The following RIC8A variants were observed in gnomAD, a reference collection of about 807,000 sequenced individuals.
RIC8A encodes the protein RIC8 guanine nucleotide exchange factor A.
RIC8A carries 37 observed loss-of-function variants against 48.4 expected under a neutral mutation model. That is an observed-to-expected ratio of 0.77 (90% CI 0.59 to 1.01). RIC8A has a LOEUF of 1.01. Ranked by LOEUF, RIC8A falls within the 50% of genes least tolerant of loss-of-function variation. RIC8A has a pLI of 0.00. For synonymous variants in RIC8A, 288 were observed against 283.4 expected (o/e 1.02, Z -0.16); for missense variants, 681 against 696.8 (o/e 0.98, Z 0.25).
At position 214,261 on chromosome 11, in the gene RIC8A, C is replaced by T; in HGVS notation, c.1507C>T (p.Pro503Ser). ...AGTCATCCAGCCAATGGGGATGAGT[C>T]CCCGGGGTCATCTTACGTCCCTGCA... ...NRVIQPMGMS[P>S]RGHLTSLQDA... is the part of the protein sequence containing the mutation. The change falls in exon 10 of 10, where the codon CCC becomes TCC. Residue 503 changes from proline to serine, a missense_variant. Physicochemically the swap from Pro to Ser is moderately conservative, Grantham distance 74 (BLOSUM62 -1). Coordinates refer to ENST00000526104, the MANE Select transcript of RIC8A (RefSeq NM_001286134.2). 3 of 1,613,818 alleles carry T rather than the reference C, an allele frequency of 1.9e-6. No homozygotes were observed. Among genetic ancestry groups the T allele is most frequent in the Non-Finnish European group, 2.5e-6 (3 of 1,179,896 alleles).
At position 208,760 on chromosome 11, in the gene RIC8A, C is replaced by T; in HGVS notation, c.-95C>T. On this transcript the variant is annotated 5_prime_UTR_variant, in exon 1 of 10. Coordinates refer to ENST00000526104, the MANE Select transcript of RIC8A (RefSeq NM_001286134.2). This position sits in a 1 kb window ranked among gnomAD's most constrained non-coding sequence, Gnocchi z 4.8. ...CCGCGCCCCGTCCCGGCCTCCCCCGCGCGCTGGCGCGGGGCTTTCTGGGCC... is the reference window on the plus strand; with the variant it reads ...CCGCGCCCCGTCCCGGCCTCCCCCGTGCGCTGGCGCGGGGCTTTCTGGGCC... The T allele has an allele frequency of 3.2e-6, 3 of 948,032 alleles. No individual in the cohort carries two copies. The highest frequency in any genetic ancestry group is 3.7e-5 in the South Asian group (2 of 53,970). The allele number at this position is 948,032 out of a possible 1,614,324, so 58.7% of individuals were successfully genotyped here. A position where few individuals can be genotyped will look rare whatever the true frequency, so the allele number is the denominator to read the frequency against.
Position 213,329 on chromosome 11 carries a change from G to A in RIC8A, c.1386G>A (p.Glu462=). The change falls in exon 9 of 10, where the codon GAG becomes GAA. Residue 462 remains glutamate, a synonymous_variant. Coordinates refer to ENST00000526104, the MANE Select transcript of RIC8A (RefSeq NM_001286134.2). ...SINPVTGRVE[E]KPPNPMEGMT... Reference sequence around the variant, plus strand: ...ACCCTGTGACCGGGAGGGTGGAGGAGAAGCCGCCTAACCCTATGGAGGGCA... The same window carrying A: ...ACCCTGTGACCGGGAGGGTGGAGGAAAAGCCGCCTAACCCTATGGAGGGCA... 1.2e-6 allele frequency: 2 copies of A among 1,613,970 alleles called. No individual in the cohort carries two copies.
intron 3 of RIC8A, 115 bp from the exon 4 acceptor site, chr11:210,456 C>T (rs780456451): frequency 1.0e-6 from 1 of 992,570 alleles, no homozygotes; most frequent in Non-Finnish European, 1.6e-6. Context: ...GTATGCAGTA[C>T]AGGAGGTGCA....
At position 212,472 on chromosome 11, in the gene RIC8A, C is replaced by T. The variant is rs150968073; in HGVS notation, c.1026C>T (p.Ala342=). 223 of 1,613,976 alleles carry T rather than the reference C, an allele frequency of 1.4e-4. No individual in the cohort carries two copies. The African/African-American group carries it at 2.7e-3, about 19-fold the overall frequency. ...TGCTGAGCGTGCTGACTGAATGTGC[C>T]CGGATGCACCGCCCAGCCAGGAAGT... ...APVLSVLTEC[A]RMHRPARKFL... is the part of the protein sequence containing the mutation. Residue 342 remains alanine, a synonymous_variant, in exon 6 of 10, where the codon GCC becomes GCT. Transcript: ENST00000526104.
chr11:212,751 CTGAGAGTGG>C lies in RIC8A; in HGVS notation c.1207_1210+5del. On this transcript the variant is annotated splice_donor_variant and coding_sequence_variant, in exon 7 of 10. Transcript: ENST00000526104. LOFTEE classifies it high-confidence loss of function. ...GCCGAGTTCTTGTTTGTCCTGTGCT[CTGAGAGTGG>C]TGAGTTATGGAGACCCAGGTCCCAG... 1 of 1,614,072 alleles carries C rather than the reference CTGAGAGTGG, an allele frequency of 6.2e-7. No homozygotes were observed.
At position 208,979 on chromosome 11, in the gene RIC8A, G is replaced by T; in HGVS notation, c.84+41G>T. On this transcript the variant is annotated intron_variant, in intron 1 of 9. Transcript: ENST00000526104. This position sits in a 1 kb window ranked among gnomAD's most constrained non-coding sequence, Gnocchi z 4.8. ...AGGCCGGGGGGCGGGCACGGAGGGGGTGGGGCAGGGTCGTGCGCGGGTAGC... is the reference window on the plus strand; with the variant it reads ...AGGCCGGGGGGCGGGCACGGAGGGGTTGGGGCAGGGTCGTGCGCGGGTAGC... 2.7e-5 allele frequency: 39 copies of T among 1,424,288 alleles called. No individual in the cohort carries two copies. Among genetic ancestry groups the T allele is most frequent in the Admixed American group, 3.8e-5 (2 of 52,240 alleles). The allele number at this position is 1,424,288 out of a possible 1,614,324, so 88.2% of individuals were successfully genotyped here. A position where few individuals can be genotyped will look rare whatever the true frequency, so the allele number is the denominator to read the frequency against.
chr11:209,054 C>T (rs2133745399), intron 1 of RIC8A, 116 bp downstream of exon 1: 2 of 1,048,678 alleles, frequency 1.9e-6, no homozygotes, highest in Non-Finnish European at 2.9e-6. Flanking sequence ...GTAGGGGACG[C>T]GGCGGGGTGC....
intron 5 of RIC8A, chr11:212,064 T>C (rs548623428): frequency 1.0e-5 from 3 of 285,934 alleles, no homozygotes; most frequent in African/African-American, 6.5e-5. Flanking sequence ...GCCACCAACA[T>C]CTGAGGGCAA....
intron 5 of RIC8A, 149 bp from the exon 6 acceptor site, chr11:212,263 GCTGA>G (rs1236723054): frequency 2.4e-5 from 17 of 700,598 alleles, no homozygotes; most frequent in Admixed American, 1.2e-4. Flanking sequence ...TTGGCCTTCT[GCTGA>G]CTAACTGCAG....
intron 5 of RIC8A, chr11:212,169 C>T: frequency 1.9e-6 from 1 of 516,110 alleles, no homozygotes. Flanking sequence ...TTATTTCTCC[C>T]AAGTCACAAA....
In RIC8A at chr11:209,784, G is replaced by A. The variant is rs779107595; in HGVS notation, c.510G>A (p.Leu170=). The A allele has an allele frequency of 2.5e-6, 4 of 1,614,058 alleles. No individual in the cohort carries two copies. In the South Asian group the frequency reaches 4.4e-5, roughly 18 times the overall value. ...TCTTTGACTTGCGGCTCCTCTTCCT[G>A]CTAACGGCACTCCGCACCGATGTGC... ...VQFFDLRLLF[L]LTALRTDVRQ... Residue 170 remains leucine (L), a synonymous_variant, in exon 3 of 10, where the codon CTG becomes CTA. Coordinates refer to ENST00000526104, the MANE Select transcript of RIC8A (RefSeq NM_001286134.2).
In RIC8A at chr11:208,721, AGC is replaced by A; in HGVS notation, c.-131_-130del. 1.7e-6 allele frequency: 1 copy of A among 594,220 alleles called. No individual in the cohort carries two copies. The highest frequency in any genetic ancestry group is 2.8e-6 in the Non-Finnish European group (1 of 357,254). The allele number at this position is 594,220 out of a possible 1,614,324, so 36.8% of individuals were successfully genotyped here. On this transcript the variant is annotated 5_prime_UTR_variant, in exon 1 of 10. Transcript: ENST00000526104. This position sits in a 1 kb window ranked among gnomAD's most constrained non-coding sequence, Gnocchi z 4.8. ...GCCACCAGACGCTGCGCCCCGTTAA[AGC>A]GCCACCAGACGCCGCGCCCCGTCCC...
chr11:209,789 C>G lies in RIC8A; in HGVS notation c.515C>G (p.Thr172Arg). The change falls in exon 3 of 10, where the codon ACG becomes AGG. Residue 172 changes from threonine to arginine, a missense_variant. Transcript: ENST00000526104. ...GACTTGCGGCTCCTCTTCCTGCTAA[C>G]GGCACTCCGCACCGATGTGCGCCAG... ...FFDLRLLFLL[T>R]ALRTDVRQQL... 2 of 1,614,040 alleles carry G rather than the reference C, an allele frequency of 1.2e-6. No individual in the cohort carries two copies. The highest frequency in any genetic ancestry group is 1.7e-6 in the Non-Finnish European group (2 of 1,180,042).
At position 207,726 on chromosome 11, in the gene RIC8A, G is replaced by A. The variant is rs1294509133; in HGVS notation, c.-1129G>A. ...TTTGCTTGCTCAGTGCCTAGACGATGGTGGTGGAAAGACGCTTCTGTGGGT... is the reference window on the plus strand; with the variant it reads ...TTTGCTTGCTCAGTGCCTAGACGATAGTGGTGGAAAGACGCTTCTGTGGGT... On this transcript the variant is annotated 5_prime_UTR_variant, in exon 1 of 10. It removes an upstream start codon present in the reference 5' UTR. Transcript: ENST00000526104. 5.0e-6 allele frequency: 1 copy of A among 200,500 alleles called. No individual in the cohort carries two copies. Among genetic ancestry groups the A allele is most frequent in the African/African-American group, 2.3e-5 (1 of 42,658 alleles). 12.4% of individuals were successfully genotyped at this position (200,500 alleles called of 1,614,324 possible).
chr11:210,820 G>C, intron 4 of RIC8A, 158 bp downstream of exon 4: 7 of 704,138 alleles, frequency 9.9e-6, no homozygotes, highest in African/African-American at 1.8e-5. Context: ...CCATGAATTT[G>C]GGGGCAGGAA....
In RIC8A at chr11:211,570, T is replaced by C. The variant is rs1476676666; in HGVS notation, c.969+221T>C. 2.0e-6 allele frequency: 1 copy of C among 495,688 alleles called. No individual in the cohort carries two copies. The highest frequency in any genetic ancestry group is 1.9e-5 in the African/African-American group (1 of 51,554). 30.7% of individuals were successfully genotyped at this position (495,688 alleles called of 1,614,324 possible). A position where few individuals can be genotyped will look rare whatever the true frequency, so the allele number is the denominator to read the frequency against. The stretch of plus-strand genomic sequence containing the variant: ...GGACACCTTCCACACACTTGAAGGT[T>C]TCACTTCTTAAATCTTTGGGGATCT... On this transcript the variant is annotated intron_variant, in intron 5 of 9. Transcript: ENST00000526104. The surrounding 1 kb of genome is among the most constrained non-coding windows in gnomAD (Gnocchi z 4.0).
rs1855344451 is a variant in RIC8A at position 211,054 on chromosome 11, C to A, written c.819-145C>A. On this transcript the variant is annotated intron_variant, in intron 4 of 9. Transcript: ENST00000526104. This position sits in a 1 kb window ranked among gnomAD's most constrained non-coding sequence, Gnocchi z 4.0. ...GAGTGGCAGTGCCTCTCAGATCAGT[C>A]CCTGCCCTTGGCTTTGGTCCCTAGC... The A allele has an allele frequency of 1.2e-6, 1 of 829,086 alleles. No homozygotes were observed. Among genetic ancestry groups the A allele is most frequent in the Middle Eastern group, 2.4e-4 (1 of 4,182 alleles). The allele number at this position is 829,086 out of a possible 1,614,324, so 51.4% of individuals were successfully genotyped here. A position where few individuals can be genotyped will look rare whatever the true frequency, so the allele number is the denominator to read the frequency against.
chr11:209,133 G>C (rs1855275724), intron 1 of RIC8A, 138 bp from the exon 2 acceptor site: 1 of 1,151,056 alleles, frequency 8.7e-7, no homozygotes. Context: ...CAGGCGTGTA[G>C]GGATGGGGGC....
chr11:213,489 C>G, intron 9 of RIC8A, 71 bp downstream of exon 9: 1 of 1,539,980 alleles, frequency 6.5e-7, no homozygotes, highest in Non-Finnish European at 8.8e-7. Context: ...GTCTTGTGAG[C>G]CCCAGGAGGT....
Sources: gnomAD v4.1 joint callset for allele counts on GRCh38, gnomAD v4.1.1 for gene constraint, Gnocchi (gnomAD v3.1) non-coding constraint, MANE v1.5 for transcripts, NCBI Gene and HGNC (gene_info 2026-07-23, HGNC 2026-07-21) for gene names.